YTHDF3: variants seen among roughly 807,000 people sequenced by gnomAD.
YTHDF3 encodes the protein YTH domain-containing family protein 3.
A neutral mutation model predicts 52.5 loss-of-function variants in YTHDF3; 9 were observed. That is an observed-to-expected ratio of 0.17 (90% CI 0.10 to 0.30). YTHDF3 has a LOEUF of 0.30. YTHDF3 is among the 10% of genes least tolerant of loss of function. YTHDF3 has a pLI of 1.00. For missense variants in YTHDF3, 534 were observed against 715.0 expected, an observed-to-expected ratio of 0.75 and a Z score of 2.89; for synonymous variants, 274 against 243.3, an observed-to-expected ratio of 1.13 and a Z score of -1.18.
chr8:63,202,548 G>A (rs975915186), intron 4 of YTHDF3, among the ~76,000 whole-genome samples: 8 of 149,866 alleles, frequency 5.3e-5, no homozygotes, highest in Admixed American at 2.7e-4. Context: ...TGCAACCTCC[G>A]CCTCCTGGGT....
At chr8:63,177,698 T>G (rs1406362698) in intron 3 of YTHDF3, among the ~76,000 whole-genome samples, 1 of 152,154 alleles carries the variant, frequency 6.6e-6, no homozygotes, top group African/African-American at 2.4e-5. Context: ...AAATTATAAT[T>G]GAAAATGAAG....
intron 2 of YTHDF3, among the ~76,000 whole-genome samples, chr8:63,169,971 A>C (rs184261947): frequency 7.9e-5 from 12 of 152,312 alleles, no homozygotes; most frequent in African/African-American, 2.9e-4. Flanking sequence ...GGTATTTTAT[A>C]AAGGGCTGAG....
At chr8:63,169,435 T>C (rs1217570738) in intron 2 of YTHDF3, 24 bp downstream of exon 2, 1 of 1,574,802 alleles carries the variant, frequency 6.3e-7, no homozygotes, top group East Asian at 2.3e-5. Flanking sequence ...TTTTTTTTTC[T>C]TATTGCTCAA....
chr8:63,180,547 A>G (rs1221589609), intron 3 of YTHDF3, among the ~76,000 whole-genome samples: 2 of 149,484 alleles, frequency 1.3e-5, no homozygotes, highest in African/African-American at 2.4e-5. Context: ...CCGGGCAGAG[A>G]CGCTCCTCAC....
At chr8:63,182,811 G>T (rs1277320491) in intron 3 of YTHDF3, among the ~76,000 whole-genome samples, 1 of 151,910 alleles carries the variant, frequency 6.6e-6, no homozygotes, top group Non-Finnish European at 1.5e-5. Flanking sequence ...CCATTTAACT[G>T]TAGATTTTCT....
chr8:63,189,911 G>T (rs77695966), intron 4 of YTHDF3, among the ~76,000 whole-genome samples: 2 of 152,270 alleles, frequency 1.3e-5, no homozygotes, highest in East Asian at 3.9e-4. Context: ...GAATATAATT[G>T]TGTTTTCTCC....
chr8:63,169,085 G>C, intron 1 of YTHDF3, 184 bp downstream of exon 1: 1 of 1,385,586 alleles, frequency 7.2e-7, no homozygotes, highest in Non-Finnish European at 9.3e-7. Flanking sequence ...TTGCGGGCGG[G>C]CGGGCGCGGT....
chr8:63,206,369 C>G (rs897873538), intron 4 of YTHDF3, among the ~76,000 whole-genome samples: 1 of 152,080 alleles, frequency 6.6e-6, no homozygotes, highest in African/African-American at 2.4e-5. Context: ...GGCTGTAACT[C>G]CTGTTCTTTT....
At position 63,187,295 on chromosome 8, in the gene YTHDF3, C is replaced by T. The variant is rs1563402915; in HGVS notation, c.1284C>T (p.Asp428=). The part of the protein sequence containing the change: ...VFIIKSYSED[D]IHRSIKYSIW... ...TAATTAAAAGCTACTCTGAGGATGA[C>T]ATACATCGTTCCATTAAATACTCTA... Residue 428 remains aspartate (D), a synonymous_variant, in exon 4 of 5, where the codon GAC becomes GAT. Coordinates refer to ENST00000539294, the MANE Select transcript of YTHDF3 (RefSeq NM_152758.6). 6.2e-7 allele frequency: 1 copy of T among 1,614,034 alleles called. No individual in the cohort carries two copies. Among genetic ancestry groups the T allele is most frequent in the South Asian group, 1.1e-5 (1 of 91,086 alleles).
chr8:63,169,361 A>G, intron 1 of YTHDF3, 26 bp from the exon 2 acceptor site: 1 of 1,596,888 alleles, frequency 6.3e-7, no homozygotes, highest in South Asian at 1.1e-5. Flanking sequence ...TCTCCTCTTT[A>G]CCGCATCTTT....
intron 4 of YTHDF3, among the ~76,000 whole-genome samples, chr8:63,190,506 A>G (rs547981031): frequency 3.3e-5 from 5 of 152,326 alleles, no homozygotes; most frequent in African/African-American, 1.2e-4. Flanking sequence ...TTTGTTAAAT[A>G]AAGTTTATCC....
intron 4 of YTHDF3, among the ~76,000 whole-genome samples, chr8:63,206,352 C>G (rs565299828): frequency 6.6e-6 from 1 of 152,132 alleles, no homozygotes; most frequent in East Asian, 1.9e-4. Flanking sequence ...TGTGAGCCAC[C>G]GTGCCTGGCT....
In YTHDF3 at chr8:63,175,419, A is replaced by G; in HGVS notation, c.135+3A>G. 1 of 1,606,980 alleles carries G rather than the reference A, an allele frequency of 6.2e-7. No individual in the cohort carries two copies. Among genetic ancestry groups the G allele is most frequent in the Non-Finnish European group, 8.5e-7 (1 of 1,175,176 alleles). The stretch of plus-strand genomic sequence containing the variant: ...ACTTAAGTAGCCAGACAAATCAGGT[A>G]AGTCTTCTGACAGTTTCAGATTTTA... On this transcript the variant is annotated splice_donor_region_variant and intron_variant, in intron 3 of 4. Transcript: ENST00000539294.
intron 3 of YTHDF3, among the ~76,000 whole-genome samples, chr8:63,183,782 C>T (rs1044675766): frequency 2.6e-5 from 4 of 152,166 alleles, no homozygotes; most frequent in Non-Finnish European, 5.9e-5. Flanking sequence ...TCTACATTCA[C>T]GGATTCAGTC....
rs1205321648 is a variant in YTHDF3 at position 63,204,361 on chromosome 8, G to GTTTT, written c.1735-5308_1735-5305dup. Among the ~76,000 whole-genome samples, 176 of 124,848 alleles carry GTTTT rather than the reference G, an allele frequency of 1.4e-3. 1 individual carries two copies. Among genetic ancestry groups the GTTTT allele is most frequent in the African/African-American group, 4.9e-3 (168 of 34,144 alleles). The allele number at this position is 124,848 out of a possible 152,430, so 81.9% of individuals were successfully genotyped here. On this transcript the variant is annotated intron_variant, in intron 4 of 4. Transcript: ENST00000539294. ...CTACAAATTTTTTTGTGTGTTTGTT[G>GTTTT]TTTTTTTTTTTTTTTTTGAGACGGA... is the stretch of plus-strand genomic sequence containing the variant.
At chr8:63,204,293 A>G (rs1178912747) in intron 4 of YTHDF3, among the ~76,000 whole-genome samples, 1 of 151,306 alleles carries the variant, frequency 6.6e-6, no homozygotes, top group African/African-American at 2.4e-5. Flanking sequence ...TTCTCCCTTA[A>G]TTAATCTACT....
intron 4 of YTHDF3, among the ~76,000 whole-genome samples, chr8:63,205,350 G>A (rs189552044): frequency 2.5e-3 from 378 of 151,938 alleles, no homozygotes; most frequent in African/African-American, 5.7e-3. Context: ...ATGTAATTAT[G>A]ATGTTAACTA....
intron 4 of YTHDF3, among the ~76,000 whole-genome samples, chr8:63,196,509 C>T (rs1223136545): frequency 6.6e-6 from 1 of 151,194 alleles, no homozygotes; most frequent in Non-Finnish European, 1.5e-5. Context: ...TTGCAGTGAG[C>T]CAAGATTGCG....
At chr8:63,206,351 C>G (rs1036459313) in intron 4 of YTHDF3, among the ~76,000 whole-genome samples, 3 of 152,180 alleles carry the variant, frequency 2.0e-5, no homozygotes, top group Admixed American at 6.5e-5. Flanking sequence ...GTGTGAGCCA[C>G]CGTGCCTGGC....
Sources: allele counts gnomAD v4.1 joint callset (sites outside exome capture counted in the v4.1 genomes callset), GRCh38; gene constraint gnomAD v4.1.1; transcripts MANE v1.5; gene names NCBI Gene and HGNC (gene_info 2026-07-23, HGNC 2026-07-21).